Variants in BMP5 observed in about 807,000 individuals in gnomAD.
The protein encoded by BMP5 is bone morphogenetic protein 5.
In BMP5, 23 loss-of-function variants were observed where a neutral mutation model predicts 46.6. The ratio of observed to expected loss-of-function variants is 0.49; its 90% CI spans 0.35 to 0.70. The LOEUF is 0.70. Ranked by LOEUF, BMP5 falls within the 30% of genes least tolerant of loss-of-function variation. The pLI, the probability that BMP5 is intolerant of heterozygous loss-of-function variation, is 0.00. For missense variants in BMP5, 545 were observed against 565.6 expected (o/e 0.96, Z 0.37); for synonymous variants, 204 against 191.9 (o/e 1.06, Z -0.52).
Position 55,774,214 on chromosome 6 carries a change from G to C in BMP5, c.862C>G (p.Leu288Val). Residue 288 changes from leucine (L) to valine (V), a missense_variant, in exon 4 of 7, where the codon CTT becomes GTT. Transcript: ENST00000370830. ...GRSINVKSAGLVGRQGPQSKQ... is the reference protein window; with the variant it reads ...GRSINVKSAGVVGRQGPQSKQ... The stretch of plus-strand genomic sequence containing the variant: ...GACTGAGGTCCCTGTCTTCCCACAA[G>C]ACCAGCAGATTTTACGTTGATACTG... 2 of 1,612,994 alleles carry C rather than the reference G, an allele frequency of 1.2e-6. No individual in the cohort carries two copies. Among genetic ancestry groups the C allele is most frequent in the Non-Finnish European group, 1.7e-6 (2 of 1,179,318 alleles).
At chr6:55,827,996 G>T (rs1776572088) in intron 1 of BMP5, among the ~76,000 whole-genome samples, 1 of 151,718 alleles carries the variant, frequency 6.6e-6, no homozygotes, top group South Asian at 2.1e-4. Context: ...AGATTGTCTG[G>T]CAGCTAGAGG....
At chr6:55,866,551 T>C (rs369309052) in intron 1 of BMP5, among the ~76,000 whole-genome samples, 4 of 152,290 alleles carry the variant, frequency 2.6e-5, no homozygotes, top group Admixed American at 6.5e-5. Context: ...TGGCATACAA[T>C]TGACAATAAA....
At chr6:55,773,916 T>C in intron 4 of BMP5, 133 bp downstream of exon 4, 3 of 1,002,890 alleles carry the variant, frequency 3.0e-6, no homozygotes, top group Non-Finnish European at 4.7e-6. Flanking sequence ...TCTGGGATGC[T>C]AGAAACATCA....
chr6:55,859,831 G>A (rs1018298367), intron 1 of BMP5, among the ~76,000 whole-genome samples: 7 of 152,164 alleles, frequency 4.6e-5, no homozygotes, highest in African/African-American at 1.4e-4. Flanking sequence ...GTTAAACACT[G>A]TAACTTATAT....
intron 1 of BMP5, among the ~76,000 whole-genome samples, chr6:55,821,422 C>T (rs912157848): frequency 1.3e-5 from 2 of 151,982 alleles, no homozygotes; most frequent in Admixed American, 1.3e-4. Context: ...GGACTCAAGC[C>T]ATCCTCCTGC....
intron 6 of BMP5, among the ~76,000 whole-genome samples, chr6:55,757,902 T>C (rs748659907): frequency 6.6e-5 from 10 of 151,952 alleles, no homozygotes; most frequent in Non-Finnish European, 1.2e-4. Flanking sequence ...AAGATGCCAG[T>C]AAATATCAAG....
intron 3 of BMP5, among the ~76,000 whole-genome samples, chr6:55,783,036 T>G (rs73744906): frequency 6.6e-6 from 1 of 152,210 alleles, no homozygotes; most frequent in Admixed American, 6.6e-5. Context: ...GGAGGAAAAA[T>G]AGCCTGTCAG....
Position 55,869,442 on chromosome 6 carries a change from C to G in BMP5, c.490+4934G>C, listed in dbSNP as rs867874246. 2.0e-5 allele frequency among the ~76,000 whole-genome samples: 3 copies of G among 152,124 alleles called. No homozygotes were observed. In the South Asian group the frequency reaches 6.2e-4, roughly 32 times the overall value. ...TATTCCTGTATGCCTCTATATCTCA[C>G]TCTTCGTCTCTTTATTCTTTCTCAT... On this transcript the variant is annotated intron_variant, in intron 1 of 6. Transcript: ENST00000370830.
chr6:55,769,245 T>C (rs1340010997), intron 4 of BMP5, among the ~76,000 whole-genome samples: 10 of 151,970 alleles, frequency 6.6e-5, no homozygotes. Flanking sequence ...GTGAAGGTCT[T>C]CTTTTAAAAT....
chr6:55,772,042 A>T (rs1477896563), intron 4 of BMP5, among the ~76,000 whole-genome samples: 1 of 151,924 alleles, frequency 6.6e-6, no homozygotes, highest in Non-Finnish European at 1.5e-5. Context: ...GTTAAGTCTT[A>T]TAGACACAAA....
intron 1 of BMP5, among the ~76,000 whole-genome samples, chr6:55,858,428 T>C (rs1276028724): frequency 1.3e-5 from 2 of 152,112 alleles, no homozygotes; most frequent in Non-Finnish European, 2.9e-5. Flanking sequence ...AAATAATTAT[T>C]AACACCTAGT....
intron 3 of BMP5, among the ~76,000 whole-genome samples, chr6:55,785,760 A>T (rs186197964): frequency 0.016 from 2,318 of 148,558 alleles, 27 homozygotes; most frequent in Non-Finnish European, 0.025. Flanking sequence ...AAAAAAAAAA[A>T]TTTTTTCAGA....
At chr6:55,792,655 C>T (rs16887173) in intron 3 of BMP5, among the ~76,000 whole-genome samples, 27,957 of 151,954 alleles carry the variant, frequency 0.18, 2,842 homozygotes, top group Middle Eastern at 0.26. Context: ...GTCACAGCAT[C>T]GGTAATGGTA....
chr6:55,782,642 G>C (rs926089447), intron 3 of BMP5, among the ~76,000 whole-genome samples: 1 of 152,092 alleles, frequency 6.6e-6, no homozygotes, highest in African/African-American at 2.4e-5. Context: ...TTACTTCAGA[G>C]AAAAATAACG....
chr6:55,863,692 C>T (rs1318582804), intron 1 of BMP5, among the ~76,000 whole-genome samples: 1 of 152,140 alleles, frequency 6.6e-6, no homozygotes, highest in Non-Finnish European at 1.5e-5. Flanking sequence ...ACACTGGTCT[C>T]ATAAGATTAT....
intron 2 of BMP5, among the ~76,000 whole-genome samples, chr6:55,801,249 G>A (rs76776871): frequency 0.028 from 4,255 of 152,262 alleles, 81 homozygotes; most frequent in Middle Eastern, 0.065. Context: ...ACTACCTTGT[G>A]GTCAAGTGTT....
At chr6:55,794,044 C>A (rs988218370) in intron 3 of BMP5, among the ~76,000 whole-genome samples, 1 of 152,142 alleles carries the variant, frequency 6.6e-6, no homozygotes, top group African/African-American at 2.4e-5. Context: ...TCCTTGAGAA[C>A]AGTAGCAGTA....
chr6:55,851,724 T>G (rs1393607906), intron 1 of BMP5, among the ~76,000 whole-genome samples: 1 of 152,196 alleles, frequency 6.6e-6, no homozygotes, highest in African/African-American at 2.4e-5. Flanking sequence ...ACAAAAGTAC[T>G]TTTAAATTTT....
intron 1 of BMP5, among the ~76,000 whole-genome samples, chr6:55,871,054 A>G (rs1372707815): frequency 1.3e-5 from 2 of 151,954 alleles, no homozygotes; most frequent in East Asian, 3.9e-4. Context: ...CAAGTAATCA[A>G]ATAAAATTGG....
Sources: allele counts gnomAD v4.1 joint callset (sites outside exome capture counted in the v4.1 genomes callset), GRCh38; gene constraint gnomAD v4.1.1; transcripts MANE v1.5; gene names NCBI Gene and HGNC (gene_info 2026-07-23, HGNC 2026-07-21).